The following SV2C variants were observed in gnomAD, a reference collection of about 807,000 sequenced individuals.
The protein encoded by SV2C is solute carrier family 22 member B3.
A neutral mutation model predicts 79.7 loss-of-function variants in SV2C; 49 were observed. That is an observed-to-expected ratio of 0.61 (90% CI 0.49 to 0.78). The LOEUF is 0.78. Ranked by LOEUF, SV2C falls within the 30% of genes least tolerant of loss-of-function variation. The probability of loss-of-function intolerance (pLI) is 0.00; values close to 1 mark genes in which losing one functional copy is unlikely to be tolerated. For missense variants in SV2C, 833 were observed against 912.9 expected (o/e 0.91, Z 1.13); for synonymous variants, 334 against 333.2 (o/e 1.00, Z -0.03).
chr5:76,125,831 G>A (rs900772088), intron 1 of SV2C, among the ~76,000 whole-genome samples: 2 of 152,146 alleles, frequency 1.3e-5, no homozygotes, highest in African/African-American at 4.8e-5. Flanking sequence ...GCTGAGGTAG[G>A]AGGACTGCTT....
At chr5:75,899,859 G>C in the SV2C span, among the ~76,000 whole-genome samples, 2 of 151,992 alleles carry the variant, frequency 1.3e-5, no homozygotes, top group Non-Finnish European at 2.9e-5. Context: ...TTGGTTTAAA[G>C]TCTGTTTTAT....
chr5:76,059,423 TTTG>T, the SV2C span, among the ~76,000 whole-genome samples: 1 of 152,128 alleles, frequency 6.6e-6, no homozygotes, highest in Non-Finnish European at 1.5e-5. Flanking sequence ...TCGTAAATCC[TTTG>T]TTGTCATTTC....
chr5:76,207,124 G>A (rs1462413235), intron 3 of SV2C, among the ~76,000 whole-genome samples: 1 of 151,468 alleles, frequency 6.6e-6, no homozygotes, highest in Non-Finnish European at 1.5e-5. Flanking sequence ...AAAACTAACA[G>A]GCAAATCTAC....
intron 11 of SV2C, 61 bp from the exon 12 acceptor site, chr5:76,301,325 G>A: frequency 2.5e-6 from 4 of 1,596,566 alleles, no homozygotes; most frequent in Non-Finnish European, 3.4e-6. Flanking sequence ...AAGGACCCAA[G>A]GGTTCTTGCT....
chr5:76,036,886 C>G, the SV2C span, among the ~76,000 whole-genome samples: 2 of 152,242 alleles, frequency 1.3e-5, no homozygotes, highest in Non-Finnish European at 1.5e-5. Flanking sequence ...GTACACCAAT[C>G]AGACGTAGAT....
chr5:75,954,030 A>G, the SV2C span, among the ~76,000 whole-genome samples: 1 of 151,950 alleles, frequency 6.6e-6, no homozygotes, highest in Non-Finnish European at 1.5e-5. Context: ...CTGTAATTGC[A>G]TTACTTAGTG....
chr5:75,983,285 T>C, the SV2C span, among the ~76,000 whole-genome samples: 6 of 152,148 alleles, frequency 3.9e-5, no homozygotes, highest in African/African-American at 1.4e-4. Flanking sequence ...ACCATCATTA[T>C]GTGGCCGAAG....
At chr5:76,227,775 A>T (rs1363833918) in intron 4 of SV2C, among the ~76,000 whole-genome samples, 1 of 152,154 alleles carries the variant, frequency 6.6e-6, no homozygotes, top group African/African-American at 2.4e-5. Flanking sequence ...AGTTTTATTA[A>T]ATAAGCTTGT....
the SV2C span, among the ~76,000 whole-genome samples, chr5:75,989,266 G>A: frequency 4.6e-5 from 7 of 151,544 alleles, no homozygotes; most frequent in African/African-American, 1.7e-4. Context: ...TATTAAGTCC[G>A]ACATCCATTA....
At chr5:75,995,758 A>G in the SV2C span, among the ~76,000 whole-genome samples, 1 of 152,094 alleles carries the variant, frequency 6.6e-6, no homozygotes, top group African/African-American at 2.4e-5. Context: ...AAGCTTTAAG[A>G]AAACTTGACA....
chr5:76,018,448 G>T, the SV2C span, among the ~76,000 whole-genome samples: 1 of 152,056 alleles, frequency 6.6e-6, no homozygotes, highest in Non-Finnish European at 1.5e-5. Context: ...ACGTAAAGGG[G>T]TTTTTCAAGG....
chr5:76,030,718 T>C, the SV2C span, among the ~76,000 whole-genome samples: 1 of 151,120 alleles, frequency 6.6e-6, no homozygotes, highest in Non-Finnish European at 1.5e-5. Flanking sequence ...GCTGAGATCG[T>C]GCCACTGCAC....
At chr5:76,159,920 A>G (rs1742848061) in intron 2 of SV2C, among the ~76,000 whole-genome samples, 1 of 152,120 alleles carries the variant, frequency 6.6e-6, no homozygotes, top group Admixed American at 6.6e-5. Context: ...TTATGTATCT[A>G]TATACTAGCG....
chr5:76,136,378 CATTA>C (rs1174569492), intron 2 of SV2C, among the ~76,000 whole-genome samples: 1 of 152,168 alleles, frequency 6.6e-6, no homozygotes, highest in African/African-American at 2.4e-5. Flanking sequence ...ATTTGATAAG[CATTA>C]ATTGAGTACC....
chr5:75,876,661 A>C, the SV2C span, among the ~76,000 whole-genome samples: 4 of 152,140 alleles, frequency 2.6e-5, no homozygotes, highest in Admixed American at 6.6e-5. Flanking sequence ...TGTAATATGC[A>C]TAACAATAAC....
chr5:76,279,526 A>C (rs535426232), intron 4 of SV2C, among the ~76,000 whole-genome samples: 6 of 152,264 alleles, frequency 3.9e-5, no homozygotes, highest in Non-Finnish European at 8.8e-5. Flanking sequence ...TACAAAAAAC[A>C]GTGGAATGGA....
chr5:76,189,222 C>G (rs1744021726), intron 2 of SV2C, among the ~76,000 whole-genome samples: 1 of 151,852 alleles, frequency 6.6e-6, no homozygotes, highest in African/African-American at 2.4e-5. Flanking sequence ...AAAAATGACT[C>G]TTTGAGGAAA....
the SV2C span, among the ~76,000 whole-genome samples, chr5:75,984,858 G>T: frequency 1.3e-5 from 2 of 151,880 alleles, no homozygotes; most frequent in Non-Finnish European, 2.9e-5. Context: ...GATTGAATCA[G>T]GCCCACCCAG....
intron 1 of SV2C, among the ~76,000 whole-genome samples, chr5:76,129,814 A>G (rs1234213111): frequency 1.3e-5 from 2 of 152,154 alleles, no homozygotes; most frequent in African/African-American, 4.8e-5. Flanking sequence ...CTTTCAACTA[A>G]CCAGAATTTG....
Sources: gnomAD v4.1 joint callset for allele counts (sites outside exome capture counted in the v4.1 genomes callset) on GRCh38, gnomAD v4.1.1 for gene constraint, MANE v1.5 for transcripts, NCBI Gene and HGNC (gene_info 2026-07-23, HGNC 2026-07-21) for gene names.